The following NLGN1 variants were observed in gnomAD, a reference collection of about 807,000 sequenced individuals.
NLGN1 encodes the protein neuroligin 1.
Under a neutral mutation model 65.5 loss-of-function variants are expected in NLGN1, and 12 were observed. The ratio of observed to expected loss-of-function variants is 0.18; its 90% CI spans 0.12 to 0.30. The LOEUF (loss-of-function observed/expected upper bound fraction) is 0.30, where lower values mean the gene tolerates loss of function less well. Ranked by LOEUF, NLGN1 falls within the 10% of genes least tolerant of loss-of-function variation. The pLI is 1.00. For missense variants in NLGN1, 750 were observed against 1,007.1 expected (o/e 0.74, Z 3.46); for synonymous variants, 350 against 359.5 (o/e 0.97, Z 0.30).
chr3:174,034,082 T>A (rs1430300388), intron 4 of NLGN1, among the ~76,000 whole-genome samples: 1 of 152,074 alleles, frequency 6.6e-6, no homozygotes, highest in African/African-American at 2.4e-5. Flanking sequence ...AAACACTTTA[T>A]GTATAGAGGA....
intron 1 of NLGN1, among the ~76,000 whole-genome samples, chr3:173,406,506 AT>A (rs1476768309): frequency 6.8e-6 from 1 of 147,912 alleles, no homozygotes; most frequent in Non-Finnish European, 1.5e-5. Flanking sequence ...AAATATATAT[AT>A]GAATCACATA....
rs1293538900 is a variant in NLGN1 at position 173,868,687 on chromosome 3, T to G, written c.646+60855T>G. Among the ~76,000 whole-genome samples the G allele has an allele frequency of 3.3e-5, 5 of 152,136 alleles. No homozygotes were observed. In the East Asian group the frequency reaches 9.6e-4, roughly 29 times the overall value. Reference sequence around the variant, plus strand: ...AGTCTACACCAGTGGCTCCCAAGCTTCACTGGGCATATTAATCTTTGATAA... The same window carrying G: ...AGTCTACACCAGTGGCTCCCAAGCTGCACTGGGCATATTAATCTTTGATAA... On this transcript the variant is annotated intron_variant, in intron 4 of 6. Transcript: ENST00000457714.
intron 4 of NLGN1, among the ~76,000 whole-genome samples, chr3:174,251,518 G>A (rs1356022369): frequency 6.6e-6 from 1 of 152,142 alleles, no homozygotes; most frequent in Admixed American, 6.5e-5. Flanking sequence ...GGGCAAAGCT[G>A]GACAATTGCA....
At chr3:174,051,549 A>G (rs1230493932) in intron 4 of NLGN1, among the ~76,000 whole-genome samples, 1 of 152,092 alleles carries the variant, frequency 6.6e-6, no homozygotes, top group Non-Finnish European at 1.5e-5. Context: ...TATGTATGAC[A>G]ATCAAGTCTA....
chr3:173,850,267 G>A (rs1467660718), intron 4 of NLGN1, among the ~76,000 whole-genome samples: 1 of 152,006 alleles, frequency 6.6e-6, no homozygotes. Flanking sequence ...GGGTATATAC[G>A]GATGTTGGAT....
At chr3:173,465,607 T>C (rs1184082098) in intron 2 of NLGN1, among the ~76,000 whole-genome samples, 4 of 152,272 alleles carry the variant, frequency 2.6e-5, no homozygotes, top group East Asian at 1.9e-4. Flanking sequence ...ACAAAATTCA[T>C]AGAAGTGAAT....
intron 4 of NLGN1, among the ~76,000 whole-genome samples, chr3:173,928,266 C>G (rs1456398134): frequency 6.6e-6 from 1 of 152,284 alleles, no homozygotes; most frequent in African/African-American, 2.4e-5. Flanking sequence ...TTCTGATCCT[C>G]TGTTCTTGGG....
chr3:174,225,471 C>G (rs1739454287), intron 4 of NLGN1, among the ~76,000 whole-genome samples: 1 of 152,176 alleles, frequency 6.6e-6, no homozygotes, highest in Non-Finnish European at 1.5e-5. Flanking sequence ...GTGGCTCACG[C>G]CTGTAATCCC....
At chr3:174,142,449 G>T (rs73880365) in intron 4 of NLGN1, among the ~76,000 whole-genome samples, 1,619 of 152,118 alleles carry the variant, frequency 0.011, 26 homozygotes, top group African/African-American at 0.037. Flanking sequence ...GTTCTCAATG[G>T]GTATGTGCCT....
At chr3:174,059,389 G>A (rs1421354344) in intron 4 of NLGN1, among the ~76,000 whole-genome samples, 1 of 152,136 alleles carries the variant, frequency 6.6e-6, no homozygotes, top group Non-Finnish European at 1.5e-5. Flanking sequence ...TTGCAAATGG[G>A]ATGAAATGGT....
Position 174,216,386 on chromosome 3 carries a change from G to T in NLGN1, c.647-58929G>T, listed in dbSNP as rs73038826. ...TTGTCATGAGGATAAGCCAGTTCAG[G>T]CTTTATGGATCAATTATTATTTCAT... On this transcript the variant is annotated intron_variant, in intron 4 of 6. Coordinates refer to ENST00000457714, the Ensembl canonical transcript of NLGN1. Among the ~76,000 whole-genome samples, 858 of 152,212 alleles carry T rather than the reference G, an allele frequency of 5.6e-3. 7 individuals are homozygous for T. Among genetic ancestry groups the T allele is most frequent in the African/African-American group, 0.019 (805 of 41,542 alleles).
chr3:173,668,622 T>TC (rs1762042314), intron 3 of NLGN1, among the ~76,000 whole-genome samples: 1 of 109,914 alleles, frequency 9.1e-6, no homozygotes, highest in Non-Finnish European at 2.0e-5. Context: ...TTCTTTTCTT[T>TC]TTTTTTTTTT....
intron 4 of NLGN1, among the ~76,000 whole-genome samples, chr3:174,218,713 G>A (rs575172958): frequency 1.1e-4 from 16 of 152,118 alleles, no homozygotes; most frequent in African/African-American, 3.6e-4. Flanking sequence ...TTGTTGAGCC[G>A]AATATCAGAT....
chr3:174,097,791 C>A (rs2152570764), intron 4 of NLGN1, among the ~76,000 whole-genome samples: 1 of 152,224 alleles, frequency 6.6e-6, no homozygotes, highest in South Asian at 2.1e-4. Context: ...GGGAAGTGGT[C>A]AGAGGTGTGG....
At chr3:173,871,949 G>T (rs557769596) in intron 4 of NLGN1, among the ~76,000 whole-genome samples, 1 of 152,156 alleles carries the variant, frequency 6.6e-6, no homozygotes, top group Non-Finnish European at 1.5e-5. Context: ...AATTTCAACC[G>T]TTCCTAAGAG....
chr3:173,570,098 G>A (rs562231511), intron 2 of NLGN1, among the ~76,000 whole-genome samples: 13 of 152,278 alleles, frequency 8.5e-5, no homozygotes, highest in Admixed American at 6.5e-4. Context: ...TGGGAGTGGG[G>A]GCCAGAAGGG....
At chr3:174,267,006 A>G (rs1366918869) in intron 4 of NLGN1, among the ~76,000 whole-genome samples, 6 of 152,168 alleles carry the variant, frequency 3.9e-5, no homozygotes, top group South Asian at 2.1e-4. Flanking sequence ...CCTGCATACT[A>G]AAAACATTAT....
At chr3:173,913,346 A>G (rs1179577612) in intron 4 of NLGN1, among the ~76,000 whole-genome samples, 1 of 152,130 alleles carries the variant, frequency 6.6e-6, no homozygotes, top group Non-Finnish European at 1.5e-5. Flanking sequence ...GATGTTTGAT[A>G]CCCTGGCATG....
intron 2 of NLGN1, among the ~76,000 whole-genome samples, chr3:173,544,057 G>T (rs1739337883): frequency 6.6e-6 from 1 of 152,088 alleles, no homozygotes; most frequent in Non-Finnish European, 1.5e-5. Flanking sequence ...CTGAAGTATG[G>T]ATAGAAATGT....
Sources: allele counts gnomAD v4.1 joint callset (sites outside exome capture counted in the v4.1 genomes callset), GRCh38; gene constraint gnomAD v4.1.1; transcripts MANE v1.5; gene names NCBI Gene and HGNC (gene_info 2026-07-23, HGNC 2026-07-21).